GRIA4: variants seen among roughly 807,000 people sequenced by gnomAD.
GRIA4 encodes glutamate receptor 4.
GRIA4 carries 34 observed loss-of-function variants against 104.0 expected under a neutral mutation model. The observed-to-expected ratio is 0.33, with a 90% CI of 0.25 to 0.44. The LOEUF is 0.44. Ranked by LOEUF, GRIA4 falls within the 20% of genes least tolerant of loss-of-function variation. The pLI, the probability that GRIA4 is intolerant of heterozygous loss-of-function variation, is 1.00. For missense variants in GRIA4, 750 were observed against 1,096.5 expected, an observed-to-expected ratio of 0.68 and a Z score of 4.46; for synonymous variants, 386 against 381.9, an observed-to-expected ratio of 1.01 and a Z score of -0.13.
At chr11:105,790,102 C>G (rs971849227) in intron 4 of GRIA4, among the ~76,000 whole-genome samples, 3 of 152,168 alleles carry the variant, frequency 2.0e-5, no homozygotes, top group Admixed American at 2.0e-4. Flanking sequence ...ATTCAAAATG[C>G]AAAACTGCCA....
chr11:105,729,684 G>T (rs1938460450), intron 3 of GRIA4, among the ~76,000 whole-genome samples: 1 of 152,118 alleles, frequency 6.6e-6, no homozygotes, highest in South Asian at 2.1e-4. Context: ...TTTGTCCCTG[G>T]GATACGAGGC....
At chr11:105,715,077 T>C (rs569991598) in intron 3 of GRIA4, among the ~76,000 whole-genome samples, 3 of 152,290 alleles carry the variant, frequency 2.0e-5, no homozygotes, top group East Asian at 3.9e-4. Flanking sequence ...ACAGCGATTA[T>C]ATCTTATGGA....
intron 4 of GRIA4, among the ~76,000 whole-genome samples, chr11:105,822,672 T>C (rs1943618908): frequency 6.6e-6 from 1 of 152,134 alleles, no homozygotes; most frequent in African/African-American, 2.4e-5. Context: ...AAACAAAGTA[T>C]GGTGAATTGG....
chr11:105,939,101 T>C (rs914660865), intron 14 of GRIA4, among the ~76,000 whole-genome samples: 1 of 152,198 alleles, frequency 6.6e-6, no homozygotes, highest in African/African-American at 2.4e-5. Context: ...TTCTTCCCAT[T>C]AGTTAAAAAA....
At chr11:105,864,457 G>A (rs887302961) in intron 5 of GRIA4, among the ~76,000 whole-genome samples, 7 of 152,186 alleles carry the variant, frequency 4.6e-5, no homozygotes, top group African/African-American at 1.7e-4. Context: ...AAGGTAAAAA[G>A]TTAAATGCTA....
intron 4 of GRIA4, among the ~76,000 whole-genome samples, chr11:105,753,638 C>T (rs919075704): frequency 2.6e-5 from 4 of 152,064 alleles, no homozygotes; most frequent in African/African-American, 4.8e-5. Flanking sequence ...CCCAGAGTTA[C>T]GTAGCATCAG....
intron 10 of GRIA4, chr11:105,911,844 G>A (rs780993846): frequency 2.5e-5 from 31 of 1,220,842 alleles, no homozygotes; most frequent in Non-Finnish European, 3.2e-5. Flanking sequence ...GTAATGGAAA[G>A]TCATACTTCA....
At chr11:105,847,040 A>T (rs1944623852) in intron 4 of GRIA4, among the ~76,000 whole-genome samples, 1 of 151,576 alleles carries the variant, frequency 6.6e-6, no homozygotes, top group Non-Finnish European at 1.5e-5. Context: ...AATTGGGGGG[A>T]TGAAACTGTT....
rs1390578670 is a variant in GRIA4 at position 105,982,005 on chromosome 11, T to G, written c.*2266T>G. 1 of 152,656 alleles carries G rather than the reference T, an allele frequency of 6.6e-6. No individual in the cohort carries two copies. The highest frequency in any genetic ancestry group is 2.4e-5 in the African/African-American group (1 of 41,450). 9.5% of individuals were successfully genotyped at this position (152,656 alleles called of 1,614,324 possible). A position where few individuals can be genotyped will look rare whatever the true frequency, so the allele number is the denominator to read the frequency against. ...GTAAGCTCCTTGAGGGCAGGGACTG[T>G]GTCTATCTTGTTCACAGTTGTATCC... On this transcript the variant is annotated 3_prime_UTR_variant, in exon 17 of 17. Coordinates refer to ENST00000282499, the MANE Select transcript of GRIA4 (RefSeq NM_000829.4).
At chr11:105,908,577 T>C (rs1301539405) in intron 9 of GRIA4, among the ~76,000 whole-genome samples, 3 of 151,532 alleles carry the variant, frequency 2.0e-5, no homozygotes, top group African/African-American at 7.2e-5. Flanking sequence ...CTTTCTCTTT[T>C]TTTTTTTTTA....
At chr11:105,638,874 C>T (rs151270539) in intron 3 of GRIA4, among the ~76,000 whole-genome samples, 19 of 152,036 alleles carry the variant, frequency 1.2e-4, no homozygotes, top group Admixed American at 3.3e-4. Context: ...CTTTGTTTTC[C>T]TTCCTTATCA....
chr11:105,977,452 T>C (rs1859040626), intron 16 of GRIA4, among the ~76,000 whole-genome samples: 1 of 151,982 alleles, frequency 6.6e-6, no homozygotes, highest in Non-Finnish European at 1.5e-5. Flanking sequence ...TTTTCTTGTT[T>C]TCATCAGCAT....
At chr11:105,843,424 G>A (rs1464113718) in intron 4 of GRIA4, among the ~76,000 whole-genome samples, 2 of 152,110 alleles carry the variant, frequency 1.3e-5, no homozygotes, top group African/African-American at 4.8e-5. Flanking sequence ...TAACTTATTA[G>A]AGCCTATCTT....
rs1374588058 is a variant in GRIA4, at chr11:105,862,132, A to G, written c.596A>G (p.Glu199Gly). ...FNDVSYRQLL[E>G]ELDRRQEKKF... ...GATGTCAGCTATAGGCAACTTCTAG[A>G]AGAACTTGACAGAAGACAAGAGAAG... Residue 199 changes from glutamate to glycine, a missense_variant, in exon 5 of 17, where the codon GAA (glutamate) becomes GGA (glycine). Coordinates refer to ENST00000282499, the MANE Select transcript of GRIA4 (RefSeq NM_000829.4). 1 of 1,608,692 alleles carries G rather than the reference A, an allele frequency of 6.2e-7. No homozygotes were observed. Among genetic ancestry groups the G allele is most frequent in the South Asian group, 1.1e-5 (1 of 90,980 alleles).
chr11:105,732,410 T>A (rs1045591909), intron 3 of GRIA4, among the ~76,000 whole-genome samples: 8 of 152,034 alleles, frequency 5.3e-5, no homozygotes, highest in African/African-American at 1.9e-4. Flanking sequence ...TTAGCAGCCG[T>A]GTGTTTCTGG....
chr11:105,716,160 A>G (rs1481931452), intron 3 of GRIA4, among the ~76,000 whole-genome samples: 4 of 152,182 alleles, frequency 2.6e-5, no homozygotes, highest in African/African-American at 9.6e-5. Flanking sequence ...CACATATGCA[A>G]GAACTTATCT....
rs965186898 is a variant in GRIA4 at position 105,770,950 on chromosome 11, G to A, written c.487+17730G>A. On this transcript the variant is annotated intron_variant, in intron 4 of 16. Coordinates refer to ENST00000282499, the MANE Select transcript of GRIA4 (RefSeq NM_000829.4). ...TTCATCCAAGGCTGACTCTCCAAATGAGACCATATTTTCTTTCATAGTCGA... is the reference window on the plus strand; with the variant it reads ...TTCATCCAAGGCTGACTCTCCAAATAAGACCATATTTTCTTTCATAGTCGA... Among the ~76,000 whole-genome samples, 5 of 151,878 alleles carry A rather than the reference G, an allele frequency of 3.3e-5. No individual in the cohort carries two copies. In the East Asian group the frequency reaches 5.8e-4, roughly 18 times the overall value.
At chr11:105,829,927 T>C (rs760343795) in intron 4 of GRIA4, among the ~76,000 whole-genome samples, 7 of 151,894 alleles carry the variant, frequency 4.6e-5, no homozygotes, top group Non-Finnish European at 8.8e-5. Flanking sequence ...AGTATAAAAA[T>C]AGAAGCCTGC....
intron 3 of GRIA4, among the ~76,000 whole-genome samples, chr11:105,628,237 T>G (rs908476152): frequency 6.6e-6 from 1 of 152,192 alleles, no homozygotes. Context: ...TTGCCCACCA[T>G]TATTTGCAAA....
Sources: allele counts gnomAD v4.1 joint callset (sites outside exome capture counted in the v4.1 genomes callset), GRCh38; gene constraint gnomAD v4.1.1; transcripts MANE v1.5; gene names NCBI Gene and HGNC (gene_info 2026-07-23, HGNC 2026-07-21).